The following KIAA0825 variants were observed in gnomAD, a reference collection of about 807,000 sequenced individuals.
KIAA0825 encodes the protein KIAA0825, also known as uncharacterized protein KIAA0825.
KIAA0825 carries 119 observed loss-of-function variants against 147.6 expected under a neutral mutation model. The observed-to-expected ratio is 0.81, with a 90% CI of 0.69 to 0.94. The LOEUF is 0.94. Ranked by LOEUF, KIAA0825 falls within the 40% of genes least tolerant of loss-of-function variation. The pLI is 0.00. For missense variants in KIAA0825, 1,381 were observed against 1,472.7 expected (o/e 0.94, Z 1.02); for synonymous variants, 470 against 518.1 (o/e 0.91, Z 1.26).
chr5:94,520,977 G>C lies in KIAA0825; in HGVS notation c.301-60C>G, dbSNP rs566555776. On this transcript the variant is annotated intron_variant, in intron 4 of 20. Transcript: ENST00000682413. ...TGCAATAGAAAAAATGATTTCTATA[G>C]TCATATACAATTTCATAATAATTTC... 55 of 1,285,802 alleles carry C rather than the reference G, an allele frequency of 4.3e-5. No homozygotes were observed. In the African/African-American group the frequency reaches 7.8e-4, roughly 18 times the overall value. 79.6% of individuals were successfully genotyped at this position (1,285,802 alleles called of 1,614,324 possible).
intron 20 of KIAA0825, among the ~76,000 whole-genome samples, chr5:94,164,254 A>C (rs1023967903): frequency 2.0e-5 from 3 of 152,178 alleles, no homozygotes; most frequent in African/African-American, 7.2e-5. Context: ...AAACAATCCT[A>C]CACAAAAAGA....
At chr5:94,156,079 T>C (rs758414583) in intron 20 of KIAA0825, among the ~76,000 whole-genome samples, 2 of 152,226 alleles carry the variant, frequency 1.3e-5, no homozygotes, top group Non-Finnish European at 2.9e-5. Context: ...GGTTAAGCAT[T>C]CTTTTAAACA....
chr5:94,197,637 T>G (rs1771258063), intron 20 of KIAA0825, among the ~76,000 whole-genome samples: 1 of 152,300 alleles, frequency 6.6e-6, no homozygotes, highest in East Asian at 1.9e-4. Context: ...CCATCATGAG[T>G]TGATTTTTTT....
At chr5:94,517,659 A>C (rs566324808) in intron 5 of KIAA0825, among the ~76,000 whole-genome samples, 5 of 151,636 alleles carry the variant, frequency 3.3e-5, no homozygotes, top group Admixed American at 6.6e-5. Context: ...AATCATATAC[A>C]TTTAAATTAG....
At chr5:94,601,157 G>A (rs72773507) in intron 1 of KIAA0825, among the ~76,000 whole-genome samples, 23,200 of 152,040 alleles carry the variant, frequency 0.15, 1,969 homozygotes, top group East Asian at 0.32. Context: ...ATTACCTCCT[G>A]CATGTACATT....
intron 1 of KIAA0825, among the ~76,000 whole-genome samples, chr5:94,586,852 G>A (rs1783397088): frequency 6.6e-6 from 1 of 152,132 alleles, no homozygotes; most frequent in South Asian, 2.1e-4. Context: ...ACATGATCAA[G>A]TCACCTTCAT....
chr5:94,250,402 C>A (rs1393955769), intron 20 of KIAA0825, among the ~76,000 whole-genome samples: 1 of 152,058 alleles, frequency 6.6e-6, no homozygotes, highest in African/African-American at 2.4e-5. Context: ...ATTATTAAGA[C>A]ATTATTACAT....
At chr5:94,175,569 A>G (rs894328736) in intron 20 of KIAA0825, among the ~76,000 whole-genome samples, 2 of 152,108 alleles carry the variant, frequency 1.3e-5, no homozygotes, top group Non-Finnish European at 2.9e-5. Flanking sequence ...CTTCTTTCTC[A>G]CCTACACAGC....
intron 4 of KIAA0825, 31 bp from the exon 5 acceptor site, chr5:94,520,948 T>C (rs1171180064): frequency 6.9e-7 from 1 of 1,450,204 alleles, no homozygotes; most frequent in African/African-American, 1.4e-5. Flanking sequence ...GAAATGTGAT[T>C]AAGTGCAATA....
At chr5:94,183,804 G>A (rs1007531217) in intron 20 of KIAA0825, among the ~76,000 whole-genome samples, 3 of 152,216 alleles carry the variant, frequency 2.0e-5, no homozygotes, top group Admixed American at 2.0e-4. Context: ...CTCTTCATCT[G>A]GCTGTGTATT....
chr5:94,187,568 T>G (rs1022487444), intron 20 of KIAA0825, among the ~76,000 whole-genome samples: 1 of 151,784 alleles, frequency 6.6e-6, no homozygotes, highest in Non-Finnish European at 1.5e-5. Context: ...CTGGGACTAC[T>G]GGCACCCGCC....
intron 2 of KIAA0825, among the ~76,000 whole-genome samples, chr5:94,550,730 T>C (rs906000798): frequency 3.3e-5 from 5 of 151,716 alleles, no homozygotes; most frequent in African/African-American, 1.2e-4. Flanking sequence ...TAGTCCCAGC[T>C]ACTTGGGAGG....
intron 4 of KIAA0825, among the ~76,000 whole-genome samples, chr5:94,521,485 G>T (rs1768192222): frequency 6.6e-6 from 1 of 151,680 alleles, no homozygotes; most frequent in African/African-American, 2.4e-5. Flanking sequence ...TACATTTAAA[G>T]ATTTTAACTT....
intron 18 of KIAA0825, among the ~76,000 whole-genome samples, chr5:94,389,961 T>C (rs1263859492): frequency 6.6e-6 from 1 of 152,176 alleles, no homozygotes; most frequent in Non-Finnish European, 1.5e-5. Context: ...ACTATAACAG[T>C]AAATATACTC....
intron 20 of KIAA0825, among the ~76,000 whole-genome samples, chr5:94,233,271 T>C (rs1774842987): frequency 6.6e-6 from 1 of 152,226 alleles, no homozygotes; most frequent in African/African-American, 2.4e-5. Context: ...ATAACTCAAA[T>C]TGACATGATT....
Position 94,417,243 on chromosome 5 carries a change from T to C in KIAA0825, c.2620A>G (p.Met874Val), listed in dbSNP as rs776707462. ...AAGTCCCATAATTGCTCTTCTTCCA[T>C]GTAGCTCACAAAAACGTTTGCAAAT... ...QTFANVFVSY[M>V]EEEQLWDFLY... The change falls in exon 15 of 21, where the codon ATG becomes GTG. Residue 874 changes from methionine (M) to valine (V), a missense_variant. Met to Val is a conservative substitution (Grantham distance 21, BLOSUM62 1). Coordinates refer to ENST00000682413, the MANE Select transcript of KIAA0825 (RefSeq NM_001145678.3). The C allele has an allele frequency of 7.7e-6, 12 of 1,550,980 alleles. 1 individual carries two copies. In the South Asian group the frequency reaches 1.4e-4, roughly 18 times the overall value.
At chr5:94,181,771 A>G (rs1211194853) in intron 20 of KIAA0825, among the ~76,000 whole-genome samples, 1 of 152,198 alleles carries the variant, frequency 6.6e-6, no homozygotes, top group African/African-American at 2.4e-5. Context: ...TGAAATTTTG[A>G]TTCATCGATT....
chr5:94,248,851 T>G (rs1304641705), intron 20 of KIAA0825, among the ~76,000 whole-genome samples: 1 of 152,128 alleles, frequency 6.6e-6, no homozygotes, highest in African/African-American at 2.4e-5. Context: ...TCTATTTTAC[T>G]TCCTTAAATA....
In KIAA0825 at chr5:94,350,544, T is replaced by C. The variant is rs1347100357; in HGVS notation, c.3710+33824A>G. Among the ~76,000 whole-genome samples the C allele has an allele frequency of 2.0e-5, 3 of 152,210 alleles. No homozygotes were observed. In the East Asian group the frequency reaches 5.8e-4, roughly 29 times the overall value. ...CTAAAATCTTTAACAAAATATTAGC[T>C]AACCGAATCCAACAACATATCAAAA... On this transcript the variant is annotated intron_variant, in intron 20 of 20. Transcript: ENST00000682413.
Sources: allele counts gnomAD v4.1 joint callset (sites outside exome capture counted in the v4.1 genomes callset), GRCh38; gene constraint gnomAD v4.1.1; transcripts MANE v1.5; gene names NCBI Gene and HGNC (gene_info 2026-07-23, HGNC 2026-07-21).